The following MYCBP2 variants were observed in gnomAD, a reference collection of about 807,000 sequenced individuals.
MYCBP2 encodes the protein MYC binding protein 2.
Under a neutral mutation model 525.3 loss-of-function variants are expected in MYCBP2, and 120 were observed. That is an observed-to-expected ratio of 0.23 (90% CI 0.20 to 0.27). MYCBP2 has a LOEUF of 0.27. Among genes scored for constraint, MYCBP2 ranks in the 10% least tolerant of loss-of-function variants. The pLI, the probability that MYCBP2 is intolerant of heterozygous loss-of-function variation, is 1.00. For missense variants in MYCBP2, 4,149 were observed against 5,657.1 expected, an observed-to-expected ratio of 0.73 and a Z score of 8.55; for synonymous variants, 1,894 against 1,955.8, an observed-to-expected ratio of 0.97 and a Z score of 0.83.
chr13:77,213,544 A>AG (rs1349743321), intron 21 of MYCBP2, among the ~76,000 whole-genome samples: 1 of 152,280 alleles, frequency 6.6e-6, no homozygotes, highest in East Asian at 1.9e-4. Flanking sequence ...CTGCTTTTGG[A>AG]GGAAAAATAA....
chr13:77,241,265 C>T (rs1053664210), intron 17 of MYCBP2, among the ~76,000 whole-genome samples: 1 of 151,992 alleles, frequency 6.6e-6, no homozygotes, highest in African/African-American at 2.4e-5. Context: ...CCTATATGCA[C>T]AAATATACTA....
chr13:77,079,289 T>C (rs1319975804), intron 65 of MYCBP2, among the ~76,000 whole-genome samples: 3 of 152,150 alleles, frequency 2.0e-5, no homozygotes, highest in Non-Finnish European at 4.4e-5. Flanking sequence ...TACTTATGAG[T>C]GTCACAATGT....
chr13:77,132,057 T>TA (rs2052970844), intron 52 of MYCBP2, among the ~76,000 whole-genome samples: 2 of 152,164 alleles, frequency 1.3e-5, no homozygotes, highest in Non-Finnish European at 2.9e-5. Flanking sequence ...ATATATATTA[T>TA]TACAATCTTA....
intron 55 of MYCBP2, among the ~76,000 whole-genome samples, chr13:77,102,974 A>T (rs1194244156): frequency 1.3e-5 from 2 of 152,076 alleles, no homozygotes; most frequent in Non-Finnish European, 2.9e-5. Context: ...ATTAAGTAAG[A>T]GTAATGTTTA....
intron 4 of MYCBP2, among the ~76,000 whole-genome samples, chr13:77,276,463 T>G (rs1221191480): frequency 6.6e-6 from 1 of 151,962 alleles, no homozygotes; most frequent in Non-Finnish European, 1.5e-5. Context: ...TGAGCTAATT[T>G]AACAAAATAG....
At chr13:77,119,172 T>C (rs527937627) in intron 55 of MYCBP2, among the ~76,000 whole-genome samples, 79 of 152,334 alleles carry the variant, frequency 5.2e-4, no homozygotes, top group African/African-American at 1.8e-3. Context: ...ATATCGATTC[T>C]AACATTTTTC....
At chr13:77,237,610 C>T (rs1441888781) in intron 17 of MYCBP2, among the ~76,000 whole-genome samples, 2 of 151,976 alleles carry the variant, frequency 1.3e-5, no homozygotes, top group African/African-American at 4.8e-5. Flanking sequence ...AAAACCTTGA[C>T]CTAAATTCCT....
chr13:77,061,131 G>T lies in MYCBP2; in HGVS notation c.13036+38C>A, dbSNP rs1218273645. On this transcript the variant is annotated intron_variant, in intron 76 of 82. Coordinates refer to ENST00000544440, the MANE Select transcript of MYCBP2 (RefSeq NM_015057.5). ...TTGGCACGGTTTAATCTTTTTTTGT[G>T]GGTTTTAAAGGCATGGCTCAATCTT... 3.2e-6 allele frequency: 5 copies of T among 1,556,972 alleles called. No individual in the cohort carries two copies. In the Admixed American group the frequency reaches 6.3e-5, roughly 20 times the overall value.
intron 15 of MYCBP2, among the ~76,000 whole-genome samples, chr13:77,244,561 C>T (rs2069523761): frequency 6.6e-6 from 1 of 152,066 alleles, no homozygotes; most frequent in African/African-American, 2.4e-5. Flanking sequence ...CTATAAAAAC[C>T]CTGGAAGAAA....
intron 32 of MYCBP2, 113 bp from the exon 33 acceptor site, chr13:77,182,035 T>A (rs979570965): frequency 1.4e-6 from 1 of 713,052 alleles, no homozygotes; most frequent in Non-Finnish European, 2.3e-6. Context: ...AAATTTTCTG[T>A]CACTCTGTCA....
Position 77,326,072 on chromosome 13 carries a change from C to T in MYCBP2, c.302+402G>A, listed in dbSNP as rs74095717. Among the ~76,000 whole-genome samples, 4,048 of 152,108 alleles carry T rather than the reference C, an allele frequency of 0.027. 197 individuals carry two copies. The highest frequency in any genetic ancestry group is 0.091 in the African/African-American group (3,780 of 41,448). ...CAGAGACACTGAAAACGCCACTTCC[C>T]TTGCCACTGTTGCAATTCTCTTCGT... On this transcript the variant is annotated intron_variant, in intron 1 of 82. Transcript: ENST00000544440. This position sits in a 1 kb window ranked among gnomAD's most constrained non-coding sequence, Gnocchi z 4.2.
At chr13:77,208,488 A>G (rs946164186) in intron 23 of MYCBP2, among the ~76,000 whole-genome samples, 13 of 152,234 alleles carry the variant, frequency 8.5e-5, no homozygotes, top group Admixed American at 7.2e-4. Context: ...CTGATGGGCA[A>G]ACAGTTAAGT....
At chr13:77,288,127 C>T (rs1392586096) in intron 3 of MYCBP2, 34 bp downstream of exon 3, 2 of 1,600,788 alleles carry the variant, frequency 1.2e-6, no homozygotes, top group Non-Finnish European at 1.7e-6. Context: ...CTGCAGGTTA[C>T]ACATCTAAAT....
rs146873025 is a variant in MYCBP2, at chr13:77,120,372, C to T, written c.8140+1001G>A. Among the ~76,000 whole-genome samples the T allele has an allele frequency of 9.5e-3, 1,448 of 152,188 alleles. 24 individuals carry two copies. Among genetic ancestry groups the T allele is most frequent in the African/African-American group, 0.033 (1,353 of 41,514 alleles). On this transcript the variant is annotated intron_variant, in intron 55 of 82. Coordinates refer to ENST00000544440, the MANE Select transcript of MYCBP2 (RefSeq NM_015057.5). Reference sequence around the variant, plus strand: ...TGGCTAGGTTTCCTTCATAAAAATACTTTGTGGAAAGTAATGAAGCTATTC... The same window carrying T: ...TGGCTAGGTTTCCTTCATAAAAATATTTTGTGGAAAGTAATGAAGCTATTC...
At chr13:77,252,946 G>C (rs1322110707) in intron 14 of MYCBP2, among the ~76,000 whole-genome samples, 1 of 151,912 alleles carries the variant, frequency 6.6e-6, no homozygotes, top group African/African-American at 2.4e-5. Flanking sequence ...ACAGTCAATG[G>C]AATCTCAATC....
rs746446635 is a variant in MYCBP2, at chr13:77,317,323, C to T, written c.302+9151G>A. On this transcript the variant is annotated intron_variant, in intron 1 of 82. Transcript: ENST00000544440. Reference sequence around the variant, plus strand: ...CTGTACTTTAAAGTATAACAGGATTCTCATAGCGCCCTCTGTTGGAAATGT... The same window carrying T: ...CTGTACTTTAAAGTATAACAGGATTTTCATAGCGCCCTCTGTTGGAAATGT... Among the ~76,000 whole-genome samples the T allele has an allele frequency of 5.9e-5, 9 of 152,188 alleles. No individual in the cohort carries two copies. In the East Asian group the frequency reaches 1.3e-3, roughly 23 times the overall value.
Position 77,062,585 on chromosome 13 carries a change from T to C in MYCBP2, c.12774+11A>G. 6.2e-7 allele frequency: 1 copy of C among 1,607,260 alleles called. No individual in the cohort carries two copies. The highest frequency in any genetic ancestry group is 8.5e-7 in the Non-Finnish European group (1 of 1,173,776). ...AAAGCAAGATAAATTCTTACAAAAT[T>C]CTGATCTTACCATTTGTTTTTGTTG... On this transcript the variant is annotated intron_variant, in intron 74 of 82. Coordinates refer to ENST00000544440, the MANE Select transcript of MYCBP2 (RefSeq NM_015057.5).
intron 80 of MYCBP2, 72 bp downstream of exon 80, chr13:77,055,486 G>A (rs2037770306): frequency 1.6e-6 from 2 of 1,240,542 alleles, no homozygotes; most frequent in Non-Finnish European, 2.3e-6. Context: ...AGATATCACT[G>A]TACAATTTGA....
In MYCBP2 at chr13:77,118,998, T is replaced by G. The variant is rs533682961; in HGVS notation, c.8140+2375A>C. ...GTATGTTATTAACATAGCAATGTGT[T>G]TACATTATAGTTATAAATTAATACT... On this transcript the variant is annotated intron_variant, in intron 55 of 82. Transcript: ENST00000544440. Among the ~76,000 whole-genome samples the G allele has an allele frequency of 8.5e-5, 13 of 152,306 alleles. No homozygotes were observed. In the South Asian group the frequency reaches 1.2e-3, roughly 15 times the overall value.
Sources: allele counts gnomAD v4.1 joint callset (sites outside exome capture counted in the v4.1 genomes callset), GRCh38; gene constraint gnomAD v4.1.1; non-coding constraint Gnocchi (gnomAD v3.1); transcripts MANE v1.5; gene names NCBI Gene and HGNC (gene_info 2026-07-23, HGNC 2026-07-21).